Variants in ADGRL2 observed in about 807,000 individuals in gnomAD.
The protein encoded by ADGRL2 is adhesion G protein-coupled receptor L2.
In ADGRL2, 44 loss-of-function variants were observed where a neutral mutation model predicts 157.4. The observed-to-expected ratio is 0.28, with a 90% confidence interval of 0.22 to 0.36. The LOEUF (loss-of-function observed/expected upper bound fraction) is 0.36. ADGRL2 is among the 10% of genes least tolerant of loss of function. The pLI is 1.00. For synonymous variants in ADGRL2, 585 were observed against 624.7 expected, an observed-to-expected ratio of 0.94 and a Z score of 0.95; for missense variants, 1,510 against 1,768.9, an observed-to-expected ratio of 0.85 and a Z score of 2.63.
At chr1:81,720,184 C>CT (rs112579932) in intron 1 of ADGRL2, among the ~76,000 whole-genome samples, 2,263 of 122,014 alleles carry the variant, frequency 0.019, 39 homozygotes, top group African/African-American at 0.028. Context: ...TTTTTCTTTT[C>CT]TTTTTTTTTT....
intron 2 of ADGRL2, among the ~76,000 whole-genome samples, chr1:81,489,299 A>T (rs2078580122): frequency 6.6e-6 from 1 of 152,066 alleles, no homozygotes. Flanking sequence ...AAAAAAATCA[A>T]GAGCTGAAAA....
intron 3 of ADGRL2, among the ~76,000 whole-genome samples, chr1:81,594,309 C>T (rs1223648197): frequency 6.6e-6 from 1 of 152,128 alleles, no homozygotes; most frequent in East Asian, 1.9e-4. Flanking sequence ...GGGATCATGG[C>T]CTCATTATCT....
intron 1 of ADGRL2, among the ~76,000 whole-genome samples, chr1:81,715,754 T>C (rs935008001): frequency 6.6e-6 from 1 of 152,114 alleles, no homozygotes; most frequent in Non-Finnish European, 1.5e-5. Flanking sequence ...CTGCTTTTTT[T>C]CCATTGTCTC....
intron 2 of ADGRL2, among the ~76,000 whole-genome samples, chr1:81,845,830 G>A (rs941276978): frequency 1.3e-5 from 2 of 151,290 alleles, no homozygotes; most frequent in African/African-American, 2.4e-5. Flanking sequence ...AACACTAATC[G>A]CAGGTTTAAC....
chr1:81,982,072 A>G, intron 19 of ADGRL2, 96 bp downstream of exon 19: 2 of 968,028 alleles, frequency 2.1e-6, no homozygotes, highest in South Asian at 1.8e-5. Context: ...CATCTGGCAT[A>G]TTGTTAAAGA....
At chr1:81,874,144 C>T (rs573342533) in intron 2 of ADGRL2, among the ~76,000 whole-genome samples, 36 of 152,176 alleles carry the variant, frequency 2.4e-4, no homozygotes, top group Non-Finnish European at 4.7e-4. Context: ...CACATTCTTC[C>T]GTGGCATTGA....
chr1:81,812,970 A>C (rs2090022743), intron 1 of ADGRL2, among the ~76,000 whole-genome samples: 1 of 151,762 alleles, frequency 6.6e-6, no homozygotes, highest in Non-Finnish European at 1.5e-5. Flanking sequence ...ATTTCTAAGG[A>C]ATTGTAAGCC....
intron 2 of ADGRL2, among the ~76,000 whole-genome samples, chr1:81,793,925 T>A (rs989761979): frequency 2.0e-5 from 3 of 152,174 alleles, no homozygotes; most frequent in African/African-American, 7.2e-5. Flanking sequence ...ATGATAGTCT[T>A]CTTGGGATTC....
chr1:81,582,341 G>A (rs954887443), intron 3 of ADGRL2, among the ~76,000 whole-genome samples: 6 of 151,994 alleles, frequency 3.9e-5, no homozygotes, highest in Admixed American at 1.3e-4. Context: ...AATGGTTGCC[G>A]ATTGATCAAA....
At chr1:81,652,592 T>C (rs939633644) in intron 3 of ADGRL2, among the ~76,000 whole-genome samples, 1 of 152,102 alleles carries the variant, frequency 6.6e-6, no homozygotes, top group African/African-American at 2.4e-5. Flanking sequence ...ATACAAACCA[T>C]ATGTTAGTGT....
At chr1:81,576,367 C>T (rs913384746) in intron 2 of ADGRL2, among the ~76,000 whole-genome samples, 1 of 152,088 alleles carries the variant, frequency 6.6e-6, no homozygotes, top group Admixed American at 6.6e-5. Context: ...TTGCTTCCCT[C>T]TAAATCATAA....
rs1404514648 is a variant in ADGRL2, at chr1:81,617,417, G to A, written c.-143+36437G>A. 4.6e-5 allele frequency among the ~76,000 whole-genome samples: 7 copies of A among 152,298 alleles called. No homozygotes were observed. In the East Asian group the frequency reaches 5.8e-4, roughly 13 times the overall value. On this transcript the variant is annotated intron_variant, in intron 3 of 24. Transcript: ENST00000370721. ...GTGCCAAAAAGATTGGGGACTGCTAGTCTAGACGACTCTTGGAAAAATAGC... is the reference window on the plus strand; with the variant it reads ...GTGCCAAAAAGATTGGGGACTGCTAATCTAGACGACTCTTGGAAAAATAGC...
At chr1:81,403,486 G>A (rs928413547) in intron 1 of ADGRL2, among the ~76,000 whole-genome samples, 7 of 152,084 alleles carry the variant, frequency 4.6e-5, no homozygotes, top group Non-Finnish European at 8.8e-5. Context: ...GGCTGGTCTC[G>A]AACTCCTGAC....
chr1:81,428,564 G>A (rs1243694272), intron 1 of ADGRL2, among the ~76,000 whole-genome samples: 1 of 152,132 alleles, frequency 6.6e-6, no homozygotes, highest in African/African-American at 2.4e-5. Flanking sequence ...GAAGCTTAAA[G>A]GCCCCCATTC....
chr1:81,357,968 TA>T (rs577697428), intron 1 of ADGRL2, among the ~76,000 whole-genome samples: 433 of 152,346 alleles, frequency 2.8e-3, no homozygotes, highest in Non-Finnish European at 4.1e-3. Flanking sequence ...ATTCAAATGT[TA>T]TAAGAATATG....
At chr1:81,582,715 T>C (rs539540253) in intron 3 of ADGRL2, among the ~76,000 whole-genome samples, 1 of 152,194 alleles carries the variant, frequency 6.6e-6, no homozygotes, top group South Asian at 2.1e-4. Flanking sequence ...AAGTCATTGG[T>C]CCTATAAAAA....
intron 2 of ADGRL2, among the ~76,000 whole-genome samples, chr1:81,472,814 T>A (rs2101876213): frequency 6.6e-6 from 1 of 152,290 alleles, no homozygotes; most frequent in East Asian, 1.9e-4. Context: ...TTAAGAAGAT[T>A]CTTTTTCTCT....
Position 81,668,703 on chromosome 1 carries a change from C to T in ADGRL2, c.-143+87723C>T, listed in dbSNP as rs148378839. ...TCAGCCTCCTGAGTAGCTGGGATTA[C>T]AGGCATGTGCCACCAGGCCCGGCTA... On this transcript the variant is annotated intron_variant, in intron 3 of 24. Transcript: ENST00000370721. Among the ~76,000 whole-genome samples, 925 of 151,540 alleles carry T rather than the reference C, an allele frequency of 6.1e-3. 6 individuals carry two copies. The highest frequency in any genetic ancestry group is 9.4e-3 in the Non-Finnish European group (636 of 67,932).
intron 2 of ADGRL2, among the ~76,000 whole-genome samples, chr1:81,865,860 A>G (rs951423426): frequency 4.6e-5 from 7 of 152,250 alleles, no homozygotes; most frequent in Admixed American, 2.0e-4. Flanking sequence ...TAAGTTAAGA[A>G]AGGTAAAAGT....
Sources: gnomAD v4.1 joint callset for allele counts (sites outside exome capture counted in the v4.1 genomes callset) on GRCh38, gnomAD v4.1.1 for gene constraint, MANE v1.5 for transcripts, NCBI Gene and HGNC (gene_info 2026-07-23, HGNC 2026-07-21) for gene names.